TACR1: variants seen among roughly 807,000 people sequenced by gnomAD.
TACR1 encodes the protein substance-P receptor.
A neutral mutation model predicts 35.8 loss-of-function variants in TACR1; 25 were observed. That is an observed-to-expected ratio of 0.70 (90% CI 0.51 to 0.98). The LOEUF is 0.98. Ranked by LOEUF, TACR1 falls within the 50% of genes least tolerant of loss-of-function variation. The pLI is 0.00. For synonymous variants in TACR1, 195 were observed against 206.7 expected, an observed-to-expected ratio of 0.94 and a Z score of 0.48; for missense variants, 478 against 522.9, an observed-to-expected ratio of 0.91 and a Z score of 0.84.
intron 1 of TACR1, among the ~76,000 whole-genome samples, chr2:75,139,462 T>C (rs1674359138): frequency 6.6e-6 from 1 of 152,234 alleles, no homozygotes; most frequent in Non-Finnish European, 1.5e-5. Context: ...CTATGCTGGC[T>C]GGTTTCCCCA....
chr2:75,046,706 C>G lies in TACR1; in HGVS notation c.*2726G>C, dbSNP rs971503651. The stretch of plus-strand genomic sequence containing the variant: ...CTAGCTTCTCCGATAAAGGCCCCCC[C>G]ACCGCCCCTCAATTACTGTGGTCTA... On this transcript the variant is annotated 3_prime_UTR_variant, in exon 5 of 5. Coordinates refer to ENST00000305249, the MANE Select transcript of TACR1 (RefSeq NM_001058.4). The G allele has an allele frequency of 1.1e-4, 17 of 152,308 alleles. No homozygotes were observed. The highest frequency in any genetic ancestry group is 5.9e-4 in the Admixed American group (9 of 15,282). The allele number at this position is 152,308 out of a possible 1,614,324, so 9.4% of individuals were successfully genotyped here. A position where few individuals can be genotyped will look rare whatever the true frequency, so the allele number is the denominator to read the frequency against.
chr2:75,127,655 G>A lies in TACR1; in HGVS notation c.390-6887C>T, dbSNP rs1337054228. Among the ~76,000 whole-genome samples the A allele has an allele frequency of 2.6e-5, 4 of 152,186 alleles. No homozygotes were observed. The East Asian group carries it at 7.7e-4, about 29-fold the overall frequency. On this transcript the variant is annotated intron_variant, in intron 1 of 4. Coordinates refer to ENST00000305249, the MANE Select transcript of TACR1 (RefSeq NM_001058.4). ...TGTTGTTTGAGCTGTTCTGTCTCAT[G>A]TGTGATCAAACAGTGACCCATATTG...
chr2:75,178,189 T>C lies in TACR1; in HGVS notation c.389+20357A>G, dbSNP rs113090128. On this transcript the variant is annotated intron_variant, in intron 1 of 4. Transcript: ENST00000305249. The stretch of plus-strand genomic sequence containing the variant: ...CATACATTTCTTTCAATTTCTCTCT[T>C]TTTTTTTTTTTGAGACAGAGTTTCG... Among the ~76,000 whole-genome samples the C allele has an allele frequency of 7.5e-3, 1,104 of 147,816 alleles. 11 individuals are homozygous for C. Among genetic ancestry groups the C allele is most frequent in the African/African-American group, 0.026 (1,063 of 40,754 alleles).
chr2:75,180,337 G>A lies in TACR1; in HGVS notation c.389+18209C>T, dbSNP rs191914348. ...AGAACAATACTGGCATATAGTTGAT[G>A]TGTGTATTAATTACATTAATGGTCC... On this transcript the variant is annotated intron_variant, in intron 1 of 4. Coordinates refer to ENST00000305249, the MANE Select transcript of TACR1 (RefSeq NM_001058.4). Among the ~76,000 whole-genome samples, 354 of 152,296 alleles carry A rather than the reference G, an allele frequency of 2.3e-3. 1 individual carries two copies. The highest frequency in any genetic ancestry group is 8.3e-3 in the African/African-American group (346 of 41,558).
intron 1 of TACR1, among the ~76,000 whole-genome samples, chr2:75,123,911 C>G (rs1437530076): frequency 6.6e-6 from 1 of 152,202 alleles, no homozygotes; most frequent in Non-Finnish European, 1.5e-5. Flanking sequence ...CCAGCCTGAG[C>G]AATTCTTGCT....
At chr2:75,168,892 CTT>C (rs1263279309) in intron 1 of TACR1, among the ~76,000 whole-genome samples, 1 of 152,110 alleles carries the variant, frequency 6.6e-6, no homozygotes, top group Non-Finnish European at 1.5e-5. Flanking sequence ...TCACCAGAGA[CTT>C]TTTCCCCTAC....
intron 2 of TACR1, among the ~76,000 whole-genome samples, chr2:75,107,804 G>A (rs895663776): frequency 1.8e-4 from 28 of 151,740 alleles, no homozygotes; most frequent in African/African-American, 6.8e-4. Flanking sequence ...TCCAGAAAAT[G>A]TGCATTTAAA....
chr2:75,104,432 A>T (rs1458830242), intron 2 of TACR1, among the ~76,000 whole-genome samples: 1 of 152,110 alleles, frequency 6.6e-6, no homozygotes, highest in Non-Finnish European at 1.5e-5. Context: ...CAGCAACATA[A>T]TAATAGTAGG....
chr2:75,090,378 C>T (rs1013501769), intron 2 of TACR1, among the ~76,000 whole-genome samples: 1 of 152,154 alleles, frequency 6.6e-6, no homozygotes, highest in Non-Finnish European at 1.5e-5. Context: ...CTCATCATAC[C>T]TGTATGGGGC....
At chr2:75,163,493 T>G (rs561857618) in intron 1 of TACR1, among the ~76,000 whole-genome samples, 3 of 152,348 alleles carry the variant, frequency 2.0e-5, no homozygotes, top group Admixed American at 6.5e-5. Flanking sequence ...AATGCAATTC[T>G]AAATGGATTG....
chr2:75,159,151 G>A (rs1181286050), intron 1 of TACR1, among the ~76,000 whole-genome samples: 1 of 151,938 alleles, frequency 6.6e-6, no homozygotes, highest in Non-Finnish European at 1.5e-5. Flanking sequence ...AGTCCAGCTT[G>A]GCTGGCAACT....
intron 1 of TACR1, among the ~76,000 whole-genome samples, chr2:75,169,948 C>T (rs953062359): frequency 6.6e-6 from 1 of 152,130 alleles, no homozygotes; most frequent in African/African-American, 2.4e-5. Context: ...CCATTACTAC[C>T]TTCAATGCAA....
chr2:75,191,839 A>G (rs147256527), intron 1 of TACR1, among the ~76,000 whole-genome samples: 1 of 152,100 alleles, frequency 6.6e-6, no homozygotes, highest in Non-Finnish European at 1.5e-5. Context: ...TGACGCACAC[A>G]TTTTAATGAG....
rs1672393209 is a variant in TACR1 at position 75,047,894 on chromosome 2, T to C, written c.*1538A>G. ...GCACATGTGCATCCATTATGCAAACTACCAGGAGGACATTCATGGATGTTA... is the reference window on the plus strand; with the variant it reads ...GCACATGTGCATCCATTATGCAAACCACCAGGAGGACATTCATGGATGTTA... On this transcript the variant is annotated 3_prime_UTR_variant, in exon 5 of 5. Transcript: ENST00000305249. 1 of 152,080 alleles carries C rather than the reference T, an allele frequency of 6.6e-6. No individual in the cohort carries two copies. The highest frequency in any genetic ancestry group is 2.1e-4 in the South Asian group (1 of 4,828). 9.4% of individuals were successfully genotyped at this position (152,080 alleles called of 1,614,324 possible).
At chr2:75,178,536 G>GA (rs56133405) in intron 1 of TACR1, among the ~76,000 whole-genome samples, 22,660 of 147,240 alleles carry the variant, frequency 0.15, 1,913 homozygotes, top group East Asian at 0.33. Context: ...TTTCCCCATT[G>GA]AAAAAAAAAC....
chr2:75,051,570 G>T (rs572261487), intron 3 of TACR1, 123 bp from the exon 4 acceptor site: 3 of 1,495,494 alleles, frequency 2.0e-6, no homozygotes, highest in Admixed American at 2.1e-5. Context: ...TTTAAAAGAC[G>T]CCCCTTCAAG....
intron 2 of TACR1, among the ~76,000 whole-genome samples, chr2:75,084,245 A>G (rs1018052120): frequency 1.1e-4 from 16 of 152,250 alleles, no homozygotes; most frequent in African/African-American, 2.2e-4. Flanking sequence ...ATTTGCATCT[A>G]TTGAACCAGC....
At chr2:75,128,560 C>T (rs1382951781) in intron 1 of TACR1, among the ~76,000 whole-genome samples, 1 of 152,128 alleles carries the variant, frequency 6.6e-6, no homozygotes. Context: ...GTCAGCTAAT[C>T]GCTGGGATCC....
intron 2 of TACR1, among the ~76,000 whole-genome samples, chr2:75,084,372 ATTGGTCTAAAATTCTCTTT>A (rs1273825010): frequency 6.6e-6 from 1 of 152,194 alleles, no homozygotes; most frequent in African/African-American, 2.4e-5. Flanking sequence ...CATCAGGGAT[ATTGGTCTAAAATTCTCTTT>A]TTTGGTTGTG....
Sources: allele counts gnomAD v4.1 joint callset (sites outside exome capture counted in the v4.1 genomes callset), GRCh38; gene constraint gnomAD v4.1.1; transcripts MANE v1.5; gene names NCBI Gene and HGNC (gene_info 2026-07-23, HGNC 2026-07-21).